Variants in HEATR9 observed in about 807,000 individuals in gnomAD.
The protein encoded by HEATR9 is protein HEATR9.
In HEATR9, 54 loss-of-function variants were observed where a neutral mutation model predicts 68.2. The ratio of observed to expected loss-of-function variants is 0.79; its 90% CI spans 0.64 to 0.99. HEATR9 has a LOEUF of 0.99. HEATR9 is among the 50% of genes least tolerant of loss of function. The probability of loss-of-function intolerance (pLI) is 0.00; values close to 1 mark genes in which losing one functional copy is unlikely to be tolerated. For missense variants in HEATR9, 662 were observed against 679.7 expected (o/e 0.97, Z 0.29); for synonymous variants, 241 against 253.5 (o/e 0.95, Z 0.47).
At position 35,863,556 on chromosome 17, in the gene HEATR9, G is replaced by A. The variant is rs757040296; in HGVS notation, c.571C>T (p.Gln191Ter). 4.3e-6 allele frequency: 7 copies of A among 1,614,176 alleles called. No homozygotes were observed. In the South Asian group the frequency reaches 7.7e-5, roughly 18 times the overall value. The change falls in exon 7 of 15, where the codon CAA becomes TAA. Residue 191 changes from glutamine (Q) to a stop codon, truncating the protein, a stop_gained. Coordinates refer to ENST00000604834, the MANE Select transcript of HEATR9 (RefSeq NM_152781.4). LOFTEE classifies it high-confidence loss of function. ...FVMEALQQVA[Q>*]TGPEKVKYEA... Reference sequence around the variant, plus strand: ...TACTTCACTTTCTCTGGACCAGTTTGGGCCTAATTTAAGAGGCGGGTGGTA... The same window carrying A: ...TACTTCACTTTCTCTGGACCAGTTTAGGCCTAATTTAAGAGGCGGGTGGTA...
At chr17:35,858,148 A>G (rs1480448138) in intron 11 of HEATR9, 52 bp downstream of exon 11, 6 of 1,612,342 alleles carry the variant, frequency 3.7e-6, no homozygotes, top group African/African-American at 1.3e-5. Flanking sequence ...CAGAACACGG[A>G]AAAGAGAAAG....
At chr17:35,858,742 A>G in intron 9 of HEATR9, 146 bp downstream of exon 9, 2 of 933,086 alleles carry the variant, frequency 2.1e-6, no homozygotes, top group Non-Finnish European at 3.3e-6. Context: ...ATATGTCCAT[A>G]TGACCCCATA....
At chr17:35,867,428 C>CAAAAAAAAAAAAAAAAAAAA (rs11315915) in intron 1 of HEATR9, among the ~76,000 whole-genome samples, 1 of 40,086 alleles carries the variant, frequency 2.5e-5, no homozygotes, top group African/African-American at 1.1e-4. Context: ...GAGCAAGACT[C>CAAAAAAAAAAAAAAAAAAAA]AAAAAAAAAA....
At chr17:35,862,392 A>G (rs2088026552) in intron 8 of HEATR9, among the ~76,000 whole-genome samples, 1 of 152,238 alleles carries the variant, frequency 6.6e-6, no homozygotes. Flanking sequence ...GGTCAAAGTA[A>G]GAGAACACTA....
intron 8 of HEATR9, chr17:35,861,511 A>T: frequency 9.4e-7 from 1 of 1,069,260 alleles, no homozygotes; most frequent in South Asian, 1.2e-5. Context: ...GACAAACATC[A>T]TGTCATGGCT....
chr17:35,859,703 C>T (rs774115802), intron 8 of HEATR9, among the ~76,000 whole-genome samples: 1 of 152,252 alleles, frequency 6.6e-6, no homozygotes, highest in African/African-American at 2.4e-5. Flanking sequence ...TGTGCCAGCA[C>T]TTCCTGGAGA....
At chr17:35,860,074 C>A (rs149333468) in intron 8 of HEATR9, among the ~76,000 whole-genome samples, 1 of 152,144 alleles carries the variant, frequency 6.6e-6, no homozygotes, top group Non-Finnish European at 1.5e-5. Flanking sequence ...TATCTCTTCT[C>A]GCCTATTTAA....
At position 35,858,973 on chromosome 17, in the gene HEATR9, A is replaced by G. The variant is rs1391956909; in HGVS notation, c.854T>C (p.Leu285Pro). 1.2e-6 allele frequency: 2 copies of G among 1,614,094 alleles called. No homozygotes were observed. Among genetic ancestry groups the G allele is most frequent in the African/African-American group, 2.7e-5 (2 of 74,928 alleles). The change falls in exon 9 of 15, where the codon CTG becomes CCG. Residue 285 changes from leucine (L) to proline (P), a missense_variant. Leu to Pro is a moderately conservative substitution (Grantham distance 98). Transcript: ENST00000604834. The stretch of plus-strand genomic sequence containing the variant: ...GTTGCTGCAAGGCCTCAGGAAACCC[A>G]GGCACAGGGCTGCCTCCAGAGATGC... ...SEASLEAALC[L>P]GFLRPCSNMV...
intron 4 of HEATR9, 76 bp from the exon 5 acceptor site, chr17:35,864,629 A>G (rs2088127195): frequency 1.3e-6 from 2 of 1,588,696 alleles, no homozygotes; most frequent in South Asian, 2.3e-5. Flanking sequence ...AGCTCATCCA[A>G]TCCAATCCCT....
In HEATR9 at chr17:35,864,492, C is replaced by T. The variant is rs2088121783; in HGVS notation, c.510+5G>A. 1 of 1,613,572 alleles carries T rather than the reference C, an allele frequency of 6.2e-7. No individual in the cohort carries two copies. On this transcript the variant is annotated splice_donor_5th_base_variant and intron_variant, in intron 5 of 14. Transcript: ENST00000604834. ...CCACCCTCCTCTATCCTTGCCTCTTCTCACCTGTGCTGCATAGAACTGCTC... is the reference window on the plus strand; with the variant it reads ...CCACCCTCCTCTATCCTTGCCTCTTTTCACCTGTGCTGCATAGAACTGCTC...
At chr17:35,858,097 A>AGGAT in intron 11 of HEATR9, 103 bp downstream of exon 11, 2 of 1,507,836 alleles carry the variant, frequency 1.3e-6, no homozygotes, top group Non-Finnish European at 1.8e-6. Context: ...GGAGTAGGTC[A>AGGAT]GGATGAATGT....
chr17:35,865,162 C>T, intron 3 of HEATR9, 53 bp downstream of exon 3: 1 of 1,577,934 alleles, frequency 6.3e-7, no homozygotes, highest in South Asian at 1.2e-5. Context: ...CCCTTCCTCA[C>T]TTTCCTAGAA....
rs761888886 is a variant in HEATR9 at position 35,858,560 on chromosome 17, G to A, written c.940-35C>T. On this transcript the variant is annotated intron_variant, in intron 9 of 14. Coordinates refer to ENST00000604834, the MANE Select transcript of HEATR9 (RefSeq NM_152781.4). ...GGCAGGGTAGGGCAGGGTGTACAGG[G>A]CCTAGAGGCATCTGTGTGGCCAGGT... 1.7e-5 allele frequency: 27 copies of A among 1,571,036 alleles called. No homozygotes were observed. In the South Asian group the frequency reaches 2.6e-4, roughly 15 times the overall value.
intron 4 of HEATR9, 21 bp downstream of exon 4, chr17:35,864,737 C>G (rs1213083628): frequency 6.2e-7 from 1 of 1,613,464 alleles, no homozygotes; most frequent in East Asian, 2.2e-5. Context: ...TCCCCCACGT[C>G]CTCTCCCACA....
At chr17:35,860,477 T>C (rs1206337649) in intron 8 of HEATR9, among the ~76,000 whole-genome samples, 1 of 107,732 alleles carries the variant, frequency 9.3e-6, no homozygotes, top group East Asian at 3.7e-4. Context: ...TTTATTTATT[T>C]ATTTTATTTA....
Position 35,856,758 on chromosome 17 carries a change from C to T in HEATR9, c.1200G>A (p.Lys400=), listed in dbSNP as rs762309373. ...CCTCCACCAAGTTCATCATCGTAGGCTTCAACTTGAGCTCTTCCACAGTTT... is the reference window on the plus strand; with the variant it reads ...CCTCCACCAAGTTCATCATCGTAGGTTTCAACTTGAGCTCTTCCACAGTTT... ...VAQTVEELKL[K]PTMMNLVEAQ... The change falls in exon 12 of 15, where the codon AAG becomes AAA. Residue 400 remains lysine, a synonymous_variant. Transcript: ENST00000604834. 55 of 1,606,320 alleles carry T rather than the reference C, an allele frequency of 3.4e-5. No individual in the cohort carries two copies. In the East Asian group the frequency reaches 1.2e-3, roughly 35 times the overall value.
At position 35,858,232 on chromosome 17, in the gene HEATR9, G is replaced by T. The variant is rs556697108; in HGVS notation, c.1120C>A (p.Leu374Ile). Residue 374 changes from leucine (L) to isoleucine (I), a missense_variant, in exon 11 of 15, where the codon CTC becomes ATC. Leu to Ile is a conservative substitution (Grantham distance 5, BLOSUM62 2). Transcript: ENST00000604834. Reference sequence around the variant, plus strand: ...GGTTCATTATGCGTCTTCCTCCTGAGCAGGTTAAATGTGAGTTCCTCTAGC... The same window carrying T: ...GGTTCATTATGCGTCTTCCTCCTGATCAGGTTAAATGTGAGTTCCTCTAGC... Reference protein sequence around the residue: ...QGLEELTFNLLRRKTHNEPFL... With the variant: ...QGLEELTFNLIRRKTHNEPFL... 6.2e-7 allele frequency: 1 copy of T among 1,614,170 alleles called. No homozygotes were observed. The highest frequency in any genetic ancestry group is 8.5e-7 in the Non-Finnish European group (1 of 1,180,018).
intron 8 of HEATR9, among the ~76,000 whole-genome samples, chr17:35,861,769 C>T (rs1014183347): frequency 6.6e-5 from 10 of 152,176 alleles, no homozygotes; most frequent in Admixed American, 2.0e-4. Context: ...CATCCCTACT[C>T]CTACTTGTCA....
chr17:35,862,659 T>C (rs918699529), intron 8 of HEATR9, among the ~76,000 whole-genome samples: 1 of 152,196 alleles, frequency 6.6e-6, no homozygotes, highest in African/African-American at 2.4e-5. Context: ...GCCATGCCCA[T>C]AGTAAGTTAA....
Sources: gnomAD v4.1 joint callset for allele counts (sites outside exome capture counted in the v4.1 genomes callset) on GRCh38, gnomAD v4.1.1 for gene constraint, MANE v1.5 for transcripts, NCBI Gene and HGNC (gene_info 2026-07-23, HGNC 2026-07-21) for gene names.